CSMD1: variants seen among roughly 807,000 people sequenced by gnomAD.
The protein encoded by CSMD1 is CUB and Sushi multiple domains 1.
In CSMD1, 213 loss-of-function variants were observed where a neutral mutation model predicts 417.5. That is an observed-to-expected ratio of 0.51 (90% CI 0.46 to 0.57). CSMD1 has a LOEUF of 0.57. Ranked by LOEUF, CSMD1 falls within the 20% of genes least tolerant of loss-of-function variation. The pLI is 0.00. For missense variants in CSMD1, 6,923 were observed against 4,529.7 expected (o/e 1.53, Z -15.17); for synonymous variants, 2,862 against 1,736.8 (o/e 1.65, Z -16.11).
rs957961379 is a variant in CSMD1 at position 3,411,795 on chromosome 8, C to T, written c.1562-2190G>A. On this transcript the variant is annotated intron_variant, in intron 12 of 69. Coordinates refer to ENST00000635120, the MANE Select transcript of CSMD1 (RefSeq NM_033225.6). ...GTGTGTATATACCTGTATATATACA[C>T]GTATATATACACGTATATATACGTG... Among the ~76,000 whole-genome samples, 10 of 106,152 alleles carry T rather than the reference C, an allele frequency of 9.4e-5. 1 individual carries two copies. The highest frequency in any genetic ancestry group is 1.5e-4 in the Non-Finnish European group (8 of 54,984). 69.6% of individuals were successfully genotyped at this position (106,152 alleles called of 152,430 possible).
intron 25 of CSMD1, among the ~76,000 whole-genome samples, chr8:3,285,600 A>C (rs116133627): frequency 1.3e-5 from 2 of 151,714 alleles, no homozygotes; most frequent in Non-Finnish European, 2.9e-5. Flanking sequence ...GGTTTCACCA[A>C]GTTGACCAGG....
At chr8:4,669,914 C>G (rs1046288498) in intron 1 of CSMD1, among the ~76,000 whole-genome samples, 1 of 152,130 alleles carries the variant, frequency 6.6e-6, no homozygotes, top group Non-Finnish European at 1.5e-5. Context: ...CCCCAGTGTG[C>G]TATACTCCTT....
chr8:4,641,309 G>A (rs1404290212), intron 1 of CSMD1, among the ~76,000 whole-genome samples: 1 of 152,014 alleles, frequency 6.6e-6, no homozygotes, highest in African/African-American at 2.4e-5. Flanking sequence ...CGAAACATCT[G>A]GCTCCTATCT....
intron 2 of CSMD1, among the ~76,000 whole-genome samples, chr8:4,539,850 T>A (rs1312655517): frequency 6.6e-6 from 1 of 152,172 alleles, no homozygotes; most frequent in Non-Finnish European, 1.5e-5. Context: ...CCCAAACTCT[T>A]TTCTGGGTCA....
Position 2,965,834 on chromosome 8 carries a change from G to A in CSMD1, c.9221C>T (p.Ser3074Phe), listed in dbSNP as rs1803908167. ...GTCTTTGGTACAGCGAATAGTGGCG[G>A]ATGTGACTGCTTCCATGACATAGCC... ...NPGYVMEAVT[S>F]ATIRCTKDGR... is the part of the protein sequence containing the mutation. Residue 3074 changes from serine to phenylalanine, a missense_variant, in exon 59 of 70, where the codon TCC becomes TTC. Transcript: ENST00000635120. 1 of 1,609,086 alleles carries A rather than the reference G, an allele frequency of 6.2e-7. No individual in the cohort carries two copies.
chr8:4,515,299 A>G (rs946213615), intron 2 of CSMD1, among the ~76,000 whole-genome samples: 3 of 152,156 alleles, frequency 2.0e-5, no homozygotes, highest in Non-Finnish European at 4.4e-5. Context: ...TGGCTCATGT[A>G]CTCAGAGAAA....
intron 7 of CSMD1, among the ~76,000 whole-genome samples, chr8:3,674,107 A>C (rs779042641): frequency 6.7e-5 from 10 of 148,642 alleles, no homozygotes; most frequent in African/African-American, 2.4e-4. Context: ...CTCCCTCTCA[A>C]AAGACAAAAA....
chr8:4,553,426 A>T (rs532348710), intron 2 of CSMD1, among the ~76,000 whole-genome samples: 37 of 151,238 alleles, frequency 2.4e-4, no homozygotes, highest in African/African-American at 8.7e-4. Flanking sequence ...AGGCATTTAT[A>T]AACTGAAAAA....
chr8:4,784,420 A>T (rs951599835), intron 1 of CSMD1, among the ~76,000 whole-genome samples: 7 of 149,182 alleles, frequency 4.7e-5, no homozygotes, highest in African/African-American at 1.5e-4. Context: ...ACAAACTCAT[A>T]TGGATTTTTT....
At chr8:4,235,173 T>A (rs529813713) in intron 3 of CSMD1, among the ~76,000 whole-genome samples, 2 of 152,268 alleles carry the variant, frequency 1.3e-5, no homozygotes, top group South Asian at 2.1e-4. Context: ...GATTCATCTT[T>A]CAGAGGCATC....
At chr8:4,599,249 C>T (rs1040320058) in intron 2 of CSMD1, among the ~76,000 whole-genome samples, 2 of 152,148 alleles carry the variant, frequency 1.3e-5, no homozygotes, top group East Asian at 1.9e-4. Context: ...AATAATTCTA[C>T]CCCATGTGTC....
At chr8:4,043,302 G>A (rs976824333) in intron 3 of CSMD1, among the ~76,000 whole-genome samples, 1 of 151,784 alleles carries the variant, frequency 6.6e-6, no homozygotes, top group East Asian at 1.9e-4. Context: ...CCAACAAAAG[G>A]AAAACATAAA....
At chr8:4,258,341 G>A (rs960394701) in intron 3 of CSMD1, among the ~76,000 whole-genome samples, 3 of 73,756 alleles carry the variant, frequency 4.1e-5, no homozygotes, top group Non-Finnish European at 5.2e-5. Context: ...AGGGAGGGAG[G>A]GGAGGGAGAA....
At chr8:3,143,069 A>T (rs1394096780) in intron 40 of CSMD1, among the ~76,000 whole-genome samples, 1 of 152,162 alleles carries the variant, frequency 6.6e-6, no homozygotes, top group Middle Eastern at 3.2e-3. Context: ...CTGTTACATC[A>T]CCCAAAAGCT....
chr8:3,396,514 T>G (rs1401658598), intron 16 of CSMD1, 133 bp from the exon 17 acceptor site: 4 of 622,938 alleles, frequency 6.4e-6, no homozygotes, highest in Non-Finnish European at 1.1e-5. Context: ...TTACATATGC[T>G]TAAAACTTGG....
intron 6 of CSMD1, among the ~76,000 whole-genome samples, chr8:3,741,534 C>A (rs1473074151): frequency 6.6e-6 from 1 of 152,160 alleles, no homozygotes; most frequent in African/African-American, 2.4e-5. Flanking sequence ...TTAGTAGGCA[C>A]ATTTATTTCT....
At chr8:4,943,093 C>T (rs114797882) in intron 1 of CSMD1, among the ~76,000 whole-genome samples, 3,935 of 152,260 alleles carry the variant, frequency 0.026, 49 homozygotes, top group Middle Eastern at 0.075. Flanking sequence ...AAGACAATGA[C>T]TCCATAGATT....
intron 8 of CSMD1, among the ~76,000 whole-genome samples, chr8:3,609,173 T>C (rs544640747): frequency 6.6e-6 from 1 of 152,352 alleles, no homozygotes; most frequent in South Asian, 2.1e-4. Flanking sequence ...TCAACGCTTC[T>C]ACTTATAAAC....
intron 3 of CSMD1, among the ~76,000 whole-genome samples, chr8:4,408,742 A>C (rs1386355061): frequency 6.6e-6 from 1 of 152,204 alleles, no homozygotes; most frequent in East Asian, 1.9e-4. Context: ...AGGTCAACAG[A>C]GTATCTATTG....
Sources: allele counts gnomAD v4.1 joint callset (sites outside exome capture counted in the v4.1 genomes callset), GRCh38; gene constraint gnomAD v4.1.1; transcripts MANE v1.5; gene names NCBI Gene and HGNC (gene_info 2026-07-23, HGNC 2026-07-21).